IMMP2L: variants seen among roughly 807,000 people sequenced by gnomAD.
IMMP2L encodes the protein mitochondrial inner membrane protease subunit 2.
IMMP2L carries 18 observed loss-of-function variants against 19.3 expected under a neutral mutation model. That is an observed-to-expected ratio of 0.93 (90% CI 0.64 to 1.38). The LOEUF (loss-of-function observed/expected upper bound fraction) is 1.38. IMMP2L is among the 40% of genes most tolerant of loss of function. IMMP2L has a pLI of 0.00. For missense variants in IMMP2L, 233 were observed against 218.2 expected (o/e 1.07, Z -0.43); for synonymous variants, 76 against 73.0 (o/e 1.04, Z -0.21).
chr7:110,727,835 G>A lies in IMMP2L; in HGVS notation c.409-64114C>T, dbSNP rs971021796. The stretch of plus-strand genomic sequence containing the variant: ...GGCGTAAGAAAAGAATTGCTTCACC[G>A]AGTGGATTTAAACAGATATGAGGTA... On this transcript the variant is annotated intron_variant, in intron 5 of 5. Transcript: ENST00000405709. This position sits in a 1 kb window ranked among gnomAD's most constrained non-coding sequence, Gnocchi z 4.3. Among the ~76,000 whole-genome samples the A allele has an allele frequency of 2.6e-4, 40 of 152,302 alleles. No homozygotes were observed. The highest frequency in any genetic ancestry group is 8.7e-4 in the African/African-American group (36 of 41,562).
intron 5 of IMMP2L, among the ~76,000 whole-genome samples, chr7:110,823,357 G>A (rs1484708311): frequency 1.3e-5 from 2 of 151,952 alleles, no homozygotes; most frequent in Admixed American, 1.3e-4. Flanking sequence ...TGTATATGTT[G>A]ATGTGATTAC....
At chr7:110,852,591 G>A (rs1410618105) in intron 5 of IMMP2L, among the ~76,000 whole-genome samples, 2 of 152,052 alleles carry the variant, frequency 1.3e-5, no homozygotes, top group African/African-American at 2.4e-5. Context: ...AAGCAAATCT[G>A]GGGAGGAGGA....
At chr7:110,693,111 T>C (rs1330326758) in intron 5 of IMMP2L, among the ~76,000 whole-genome samples, 4 of 152,184 alleles carry the variant, frequency 2.6e-5, no homozygotes, top group African/African-American at 9.6e-5. Flanking sequence ...ATACAAATCA[T>C]ATAACAAAGA....
chr7:111,120,950 C>T (rs1410287665), intron 3 of IMMP2L, among the ~76,000 whole-genome samples: 2 of 146,862 alleles, frequency 1.4e-5, no homozygotes, highest in African/African-American at 5.0e-5. Flanking sequence ...AAAAAAAAAG[C>T]CATGAACAGT....
intron 3 of IMMP2L, among the ~76,000 whole-genome samples, chr7:110,988,804 T>C (rs1236224875): frequency 2.0e-5 from 3 of 152,180 alleles, no homozygotes; most frequent in African/African-American, 7.2e-5. Flanking sequence ...CATGATGTTG[T>C]AGAATAATAT....
chr7:110,723,617 T>C (rs987660551), intron 5 of IMMP2L, among the ~76,000 whole-genome samples: 2 of 152,306 alleles, frequency 1.3e-5, no homozygotes, highest in Admixed American at 6.5e-5. Flanking sequence ...ACAGGCCATA[T>C]GTGTGGTAAG....
chr7:111,290,020 ATCAC>A (rs1216385915), intron 3 of IMMP2L, among the ~76,000 whole-genome samples: 6 of 152,148 alleles, frequency 3.9e-5, no homozygotes. Flanking sequence ...CTCTATTCAA[ATCAC>A]TCACATTCTT....
chr7:111,094,180 A>T (rs1312033660), intron 3 of IMMP2L, among the ~76,000 whole-genome samples: 1 of 152,096 alleles, frequency 6.6e-6, no homozygotes, highest in Non-Finnish European at 1.5e-5. Flanking sequence ...CCTGTGTAAC[A>T]TGGCACTATG....
At chr7:110,952,535 T>C (rs141173135) in intron 4 of IMMP2L, among the ~76,000 whole-genome samples, 1 of 152,276 alleles carries the variant, frequency 6.6e-6, no homozygotes, top group East Asian at 1.9e-4. Context: ...GGGGAAAAGC[T>C]GAGGTTCATG....
At chr7:111,431,289 A>G (rs536712988) in intron 3 of IMMP2L, among the ~76,000 whole-genome samples, 1 of 152,056 alleles carries the variant, frequency 6.6e-6, no homozygotes, top group African/African-American at 2.4e-5. Flanking sequence ...AATAATACCC[A>G]TCATTAATGA....
intron 1 of IMMP2L, among the ~76,000 whole-genome samples, chr7:111,532,124 T>C (rs1335914106): frequency 6.6e-6 from 1 of 151,998 alleles, no homozygotes; most frequent in Non-Finnish European, 1.5e-5. Context: ...GTACAAAATA[T>C]TAGAAAGTGG....
At chr7:111,249,751 A>G (rs1815857962) in intron 3 of IMMP2L, among the ~76,000 whole-genome samples, 1 of 152,204 alleles carries the variant, frequency 6.6e-6, no homozygotes. Flanking sequence ...AGGTATTGAA[A>G]GAGCATACCT....
At chr7:110,964,092 A>T (rs1780306301) in intron 3 of IMMP2L, among the ~76,000 whole-genome samples, 1 of 151,922 alleles carries the variant, frequency 6.6e-6, no homozygotes, top group African/African-American at 2.4e-5. Context: ...CGCCATGAGA[A>T]GATGTGCCTC....
At chr7:111,134,987 G>C (rs1384585820) in intron 3 of IMMP2L, among the ~76,000 whole-genome samples, 2 of 152,008 alleles carry the variant, frequency 1.3e-5, no homozygotes, top group African/African-American at 4.8e-5. Flanking sequence ...ATATTTAACA[G>C]AGTAATTTTC....
At chr7:110,861,923 A>C (rs1373661707) in intron 5 of IMMP2L, among the ~76,000 whole-genome samples, 1 of 152,118 alleles carries the variant, frequency 6.6e-6, no homozygotes, top group Non-Finnish European at 1.5e-5. Flanking sequence ...ATGGGAAAAC[A>C]TATTAATTCC....
chr7:110,963,528 C>T lies in IMMP2L; in HGVS notation c.277G>A (p.Val93Met), dbSNP rs757931767. The change falls in exon 4 of 6, where the codon GTG (valine) becomes ATG (methionine). Residue 93 changes from valine (V) to methionine (M), a missense_variant. Coordinates refer to ENST00000405709, the MANE Select transcript of IMMP2L (RefSeq NM_032549.4). ...KNPEQKIIKR[V>M]IALEGDIVRT... Reference sequence around the variant, plus strand: ...ACAATATCTCCTTCAAGAGCAATCACTCTCTTAATGATCTTCTGTTCTGGG... The same window carrying T: ...ACAATATCTCCTTCAAGAGCAATCATTCTCTTAATGATCTTCTGTTCTGGG... The T allele has an allele frequency of 6.2e-7, 1 of 1,603,808 alleles. No individual in the cohort carries two copies. The highest frequency in any genetic ancestry group is 2.2e-5 in the East Asian group (1 of 44,524).
chr7:111,141,901 A>T (rs1299896433), intron 3 of IMMP2L, among the ~76,000 whole-genome samples: 2 of 152,138 alleles, frequency 1.3e-5, no homozygotes, highest in Non-Finnish European at 2.9e-5. Flanking sequence ...ACAGGGTCTC[A>T]CTATGTTGCC....
intron 3 of IMMP2L, among the ~76,000 whole-genome samples, chr7:111,074,310 T>C (rs1174311634): frequency 1.3e-5 from 2 of 152,244 alleles, no homozygotes; most frequent in Non-Finnish European, 2.9e-5. Flanking sequence ...ATTTAGCTGA[T>C]TATCACTTTG....
intron 3 of IMMP2L, among the ~76,000 whole-genome samples, chr7:111,288,441 T>A (rs1820734256): frequency 6.6e-6 from 1 of 152,012 alleles, no homozygotes; most frequent in African/African-American, 2.4e-5. Context: ...GCAAATGGGA[T>A]CTGATTAAAC....
Sources: allele counts gnomAD v4.1 joint callset (sites outside exome capture counted in the v4.1 genomes callset), GRCh38; gene constraint gnomAD v4.1.1; non-coding constraint Gnocchi (gnomAD v3.1); transcripts MANE v1.5; gene names NCBI Gene and HGNC (gene_info 2026-07-23, HGNC 2026-07-21).